TMEM131: variants seen among roughly 807,000 people sequenced by gnomAD.
The protein encoded by TMEM131 is transmembrane protein 131, also known as 2610524E03Rik.
In TMEM131, 66 loss-of-function variants were observed where a neutral mutation model predicts 211.6. That is an observed-to-expected ratio of 0.31 (90% confidence interval 0.26 to 0.38). The LOEUF (loss-of-function observed/expected upper bound fraction) is 0.38. Among genes scored for constraint, TMEM131 ranks in the 10% least tolerant of loss-of-function variants. The pLI, the probability that TMEM131 is intolerant of heterozygous loss-of-function variation, is 1.00. For missense variants in TMEM131, 2,036 were observed against 2,299.3 expected (o/e 0.89, Z 2.34); for synonymous variants, 844 against 841.3 (o/e 1.00, Z -0.06).
intron 3 of TMEM131, among the ~76,000 whole-genome samples, chr2:97,892,764 C>CT (rs1675433991): frequency 6.6e-6 from 1 of 152,044 alleles, no homozygotes; most frequent in African/African-American, 2.4e-5. Context: ...AATTTTAAAC[C>CT]TTTAACTTTT....
chr2:97,815,674 T>C (rs1401266085), intron 12 of TMEM131, among the ~76,000 whole-genome samples: 4 of 152,146 alleles, frequency 2.6e-5, no homozygotes, highest in Non-Finnish European at 4.4e-5. Flanking sequence ...GCGGAGGCTG[T>C]TGTGTGTACT....
At chr2:97,814,704 T>TA (rs1681734630) in intron 13 of TMEM131, among the ~76,000 whole-genome samples, 1 of 152,222 alleles carries the variant, frequency 6.6e-6, no homozygotes, top group Non-Finnish European at 1.5e-5. Context: ...GGAGCTTTGC[T>TA]AAAATGAATC....
In TMEM131 at chr2:97,756,777, C is replaced by CATACAGATA. The variant is rs1346318623; in HGVS notation, c.*313_*321dup. The CATACAGATA allele has an allele frequency of 5.0e-6, 1 of 199,334 alleles. No homozygotes were observed. Among genetic ancestry groups the CATACAGATA allele is most frequent in the African/African-American group, 2.3e-5 (1 of 43,288 alleles). The allele number at this position is 199,334 out of a possible 1,614,324, so 12.3% of individuals were successfully genotyped here. On this transcript the variant is annotated 3_prime_UTR_variant, in exon 41 of 41. Coordinates refer to ENST00000186436, the MANE Select transcript of TMEM131 (RefSeq NM_015348.2). Reference sequence around the variant, plus strand: ...TTAGCTGTAATGTCAAATCTGTGTTCATACAGATAAATAAAGCATGGGGAA... The same window carrying CATACAGATA: ...TTAGCTGTAATGTCAAATCTGTGTTCATACAGATAATACAGATAAATAAAGCATGGGGAA...
chr2:97,862,026 CAGAG>C (rs143946261), intron 4 of TMEM131, among the ~76,000 whole-genome samples: 1 of 151,904 alleles, frequency 6.6e-6, no homozygotes, highest in African/African-American at 2.4e-5. Context: ...TGGCTCAGCA[CAGAG>C]AGAGAGAGAC....
chr2:97,793,593 G>A lies in TMEM131; in HGVS notation c.3387-40C>T, dbSNP rs200743410. 5.8e-6 allele frequency: 9 copies of A among 1,555,014 alleles called. No homozygotes were observed. The East Asian group carries it at 6.9e-5, about 12-fold the overall frequency. ...AAAATTGGAAAATCAGGATTCATTT[G>A]TTAGTAGACAAGCAACAAAATTCGA... On this transcript the variant is annotated intron_variant, in intron 29 of 40. Transcript: ENST00000186436.
In TMEM131 at chr2:97,811,275, T is replaced by C. The variant is rs559088863; in HGVS notation, c.1864-43A>G. The stretch of plus-strand genomic sequence containing the variant: ...GGTATCATTCATTAGCCTTGTTAGT[T>C]GAAGTTTCCTATTAAAATGGACATG... On this transcript the variant is annotated intron_variant, in intron 17 of 40. Transcript: ENST00000186436. 4.1e-6 allele frequency: 6 copies of C among 1,462,974 alleles called. No individual in the cohort carries two copies. In the South Asian group the frequency reaches 6.8e-5, roughly 17 times the overall value. 90.6% of individuals were successfully genotyped at this position (1,462,974 alleles called of 1,614,324 possible). A position where few individuals can be genotyped will look rare whatever the true frequency, so the allele number is the denominator to read the frequency against.
chr2:97,853,475 A>G (rs1401196394), intron 5 of TMEM131, among the ~76,000 whole-genome samples: 1 of 149,766 alleles, frequency 6.7e-6, no homozygotes, highest in Non-Finnish European at 1.5e-5. Context: ...CAGTGGTGGG[A>G]CGGGCCTATA....
Position 97,995,596 on chromosome 2 carries a change from C to G in TMEM131, c.67G>C (p.Ala23Pro). Residue 23 changes from alanine to proline, a missense_variant, in exon 1 of 41, where the codon GCC becomes CCC. By Grantham distance (27) the Ala-to-Pro change is conservative (BLOSUM62 -1). Coordinates refer to ENST00000186436, the MANE Select transcript of TMEM131 (RefSeq NM_015348.2). ...TTAAVSTSAG[A>P]GLEPAAARSG... ...CGGGCGGCCGCAGGTTCCAGCCCGG[C>G]CCCGGCGGACGTGGAGACGGCGGCG... 1.6e-6 allele frequency: 2 copies of G among 1,263,174 alleles called. No individual in the cohort carries two copies. Among genetic ancestry groups the G allele is most frequent in the Non-Finnish European group, 2.0e-6 (2 of 1,005,894 alleles). The allele number at this position is 1,263,174 out of a possible 1,614,324, so 78.2% of individuals were successfully genotyped here.
At chr2:97,989,398 A>G (rs1200895989) in intron 1 of TMEM131, among the ~76,000 whole-genome samples, 3 of 152,214 alleles carry the variant, frequency 2.0e-5, no homozygotes, top group Non-Finnish European at 2.9e-5. Flanking sequence ...TGAAGTATCT[A>G]AAGTAGTCAA....
chr2:97,853,837 C>T (rs548661506), intron 5 of TMEM131, among the ~76,000 whole-genome samples: 6 of 152,138 alleles, frequency 3.9e-5, no homozygotes, highest in African/African-American at 9.6e-5. Context: ...AAAACTTGAA[C>T]GGAAGAGGAG....
At chr2:97,938,104 G>T (rs546853513) in intron 1 of TMEM131, among the ~76,000 whole-genome samples, 3 of 152,300 alleles carry the variant, frequency 2.0e-5, no homozygotes, top group Admixed American at 6.5e-5. Flanking sequence ...TCAAGGCTAG[G>T]AAGAAACTGT....
At chr2:97,867,478 T>C (rs1482099758) in intron 4 of TMEM131, among the ~76,000 whole-genome samples, 1 of 152,234 alleles carries the variant, frequency 6.6e-6, no homozygotes. Flanking sequence ...TTAAAGTCTG[T>C]GTTGTCTGAT....
chr2:97,893,841 G>C (rs1309740080), intron 3 of TMEM131, among the ~76,000 whole-genome samples: 1 of 152,078 alleles, frequency 6.6e-6, no homozygotes, highest in African/African-American at 2.4e-5. Context: ...TGTTCACTCT[G>C]ATGATAGTGC....
At chr2:97,954,350 A>G (rs1477708775) in intron 1 of TMEM131, among the ~76,000 whole-genome samples, 4 of 152,256 alleles carry the variant, frequency 2.6e-5, no homozygotes, top group African/African-American at 9.6e-5. Flanking sequence ...AGCCATTAGA[A>G]GATTACTAAG....
chr2:97,981,540 T>C (rs956866447), intron 1 of TMEM131, among the ~76,000 whole-genome samples: 2 of 152,310 alleles, frequency 1.3e-5, no homozygotes, highest in Admixed American at 1.3e-4. Flanking sequence ...AGAAATGGTA[T>C]CTCATTTAGG....
At chr2:97,959,677 C>T (rs1678731979) in intron 1 of TMEM131, among the ~76,000 whole-genome samples, 1 of 152,094 alleles carries the variant, frequency 6.6e-6, no homozygotes, top group Non-Finnish European at 1.5e-5. Flanking sequence ...AGACATTCTC[C>T]TACATAATCA....
intron 31 of TMEM131, among the ~76,000 whole-genome samples, chr2:97,790,668 ATTTAT>A (rs1680461526): frequency 6.6e-6 from 1 of 152,216 alleles, no homozygotes; most frequent in African/African-American, 2.4e-5. Flanking sequence ...GATAATACAG[ATTTAT>A]TTTATTCACG....
At chr2:97,772,623 C>T (rs12712117) in intron 32 of TMEM131, among the ~76,000 whole-genome samples, 199 bp from the exon 33 acceptor site, 52,503 of 152,134 alleles carry the variant, frequency 0.35, 9,982 homozygotes, top group Middle Eastern at 0.49. Context: ...CAGCTGTGTG[C>T]GGTGGCGCAT....
chr2:97,974,421 A>G (rs1679440709), intron 1 of TMEM131, among the ~76,000 whole-genome samples: 2 of 152,018 alleles, frequency 1.3e-5, no homozygotes, highest in Admixed American at 1.3e-4. Context: ...GAGGAGGAGG[A>G]CAGGAAAAAT....
Sources: gnomAD v4.1 joint callset for allele counts (sites outside exome capture counted in the v4.1 genomes callset) on GRCh38, gnomAD v4.1.1 for gene constraint, MANE v1.5 for transcripts, NCBI Gene and HGNC (gene_info 2026-07-23, HGNC 2026-07-21) for gene names.